Variants in LYST observed in about 807,000 individuals in gnomAD.
The protein encoded by LYST is lysosomal-trafficking regulator.
Under a neutral mutation model 413.6 loss-of-function variants are expected in LYST, and 192 were observed. That is an observed-to-expected ratio of 0.46 (90% confidence interval 0.41 to 0.52). The LOEUF is 0.52. LYST is among the 20% of genes least tolerant of loss of function. The pLI, the probability that LYST is intolerant of heterozygous loss-of-function variation, is 0.00. For missense variants in LYST, 3,815 were observed against 4,499.9 expected, an observed-to-expected ratio of 0.85 and a Z score of 4.35; for synonymous variants, 1,525 against 1,567.3, an observed-to-expected ratio of 0.97 and a Z score of 0.64.
At chr1:235,678,867 T>C (rs1659590099) in intron 48 of LYST, among the ~76,000 whole-genome samples, 1 of 152,168 alleles carries the variant, frequency 6.6e-6, no homozygotes, top group Admixed American at 6.5e-5. Context: ...GTATTTCATG[T>C]TTATGAATTC....
At chr1:235,827,505 A>G in intron 3 of LYST, 1 of 980,520 alleles carries the variant, frequency 1.0e-6, no homozygotes, top group Non-Finnish European at 1.2e-6. Flanking sequence ...CTCCTAAAAC[A>G]TACAACTATG....
chr1:235,766,038 A>G (rs1668111483), intron 21 of LYST, 41 bp downstream of exon 21: 4 of 1,404,386 alleles, frequency 2.8e-6, no homozygotes, highest in Non-Finnish European at 4.0e-6. Flanking sequence ...ATAAAACAAA[A>G]GTGGAAATAG....
At chr1:235,873,065 G>A (rs541507322) in intron 1 of LYST, among the ~76,000 whole-genome samples, 2 of 152,306 alleles carry the variant, frequency 1.3e-5, no homozygotes, top group African/African-American at 4.8e-5. Flanking sequence ...AAAGGAGGGT[G>A]AGAGAAGGTG....
At chr1:235,680,655 ATGGCGCAACCT>A (rs1659740298) in intron 48 of LYST, among the ~76,000 whole-genome samples, 1 of 151,720 alleles carries the variant, frequency 6.6e-6, no homozygotes, top group South Asian at 2.1e-4. Flanking sequence ...CTGGAGTGCA[ATGGCGCAACCT>A]TGGCCCACTG....
intron 36 of LYST, among the ~76,000 whole-genome samples, chr1:235,729,879 T>A (rs955082204): frequency 3.3e-5 from 5 of 152,130 alleles, no homozygotes; most frequent in African/African-American, 1.2e-4. Flanking sequence ...ATAATCCCTA[T>A]AACCTGTAGA....
chr1:235,720,320 C>T (rs1663250538), intron 40 of LYST, among the ~76,000 whole-genome samples: 1 of 151,036 alleles, frequency 6.6e-6, no homozygotes, highest in African/African-American at 2.4e-5. Context: ...TGGAAATGGA[C>T]TAGATATTAG....
chr1:235,663,391 G>A (rs1456748693), intron 52 of LYST, among the ~76,000 whole-genome samples: 1 of 151,882 alleles, frequency 6.6e-6, no homozygotes, highest in African/African-American at 2.4e-5. Flanking sequence ...AAATATTTGG[G>A]TGTACAAAAC....
At chr1:235,823,423 C>A (rs1674998609) in intron 3 of LYST, among the ~76,000 whole-genome samples, 1 of 152,216 alleles carries the variant, frequency 6.6e-6, no homozygotes, top group South Asian at 2.1e-4. Context: ...TTGCATTATT[C>A]TCCTATTGAA....
At chr1:235,861,078 C>T (rs1317250655) in intron 1 of LYST, among the ~76,000 whole-genome samples, 1 of 151,866 alleles carries the variant, frequency 6.6e-6, no homozygotes, top group Non-Finnish European at 1.5e-5. Context: ...ATAAACATTG[C>T]TTTTTAAAGA....
At position 235,787,396 on chromosome 1, in the gene LYST, T is replaced by G. The variant is rs1456588336; in HGVS notation, c.4689-23A>C. ...ACACTACAGAAAAAGAGAAAAGGCA[T>G]AGGCTGAAAACATGAAAATTCTGAC... On this transcript the variant is annotated intron_variant, in intron 13 of 52. Coordinates refer to ENST00000389793, the MANE Select transcript of LYST (RefSeq NM_000081.4). 3 of 1,607,210 alleles carry G rather than the reference T, an allele frequency of 1.9e-6. No individual in the cohort carries two copies. In the South Asian group the frequency reaches 3.3e-5, roughly 18 times the overall value.
At chr1:235,857,760 C>T (rs1050822246) in intron 1 of LYST, among the ~76,000 whole-genome samples, 27 of 132,878 alleles carry the variant, frequency 2.0e-4, no homozygotes, top group African/African-American at 8.0e-4. Flanking sequence ...CACACACACA[C>T]ACACACACAC....
chr1:235,724,871 AG>A (rs1663708347), intron 38 of LYST, among the ~76,000 whole-genome samples: 1 of 152,252 alleles, frequency 6.6e-6, no homozygotes, highest in African/African-American at 2.4e-5. Context: ...CATCCCCAGA[AG>A]TCAAAAATGT....
rs770405718 is a variant in LYST at position 235,755,600 on chromosome 1, T to C, written c.7107A>G (p.Lys2369=). The C allele has an allele frequency of 3.1e-6, 5 of 1,613,568 alleles. No homozygotes were observed. The highest frequency in any genetic ancestry group is 3.4e-6 in the Non-Finnish European group (4 of 1,179,548). ...FARASKEQKD[K]FLKNRGFSLL... ...AGGAAAATCCACGATTCTTCAGAAA[T>C]TTATCTTTTTGTTCCTTAGATGCTC... The change falls in exon 25 of 53, where the codon AAA becomes AAG. Residue 2369 remains lysine, a synonymous_variant. Coordinates refer to ENST00000389793, the MANE Select transcript of LYST (RefSeq NM_000081.4).
At chr1:235,681,312 G>C (rs1659797667) in intron 48 of LYST, among the ~76,000 whole-genome samples, 1 of 152,214 alleles carries the variant, frequency 6.6e-6, no homozygotes, top group Non-Finnish European at 1.5e-5. Context: ...ACTGGGAGCA[G>C]GGTAGGTAGG....
intron 30 of LYST, 119 bp from the exon 31 acceptor site, chr1:235,741,747 A>T (rs370073655): frequency 2.6e-6 from 2 of 757,772 alleles, no homozygotes; most frequent in Non-Finnish European, 2.3e-6. Flanking sequence ...TGGTTTTAAT[A>T]GTCAAAATTA....
chr1:235,737,916 A>AGCTAATAG, intron 31 of LYST: 1 of 1,163,406 alleles, frequency 8.6e-7, no homozygotes, highest in Non-Finnish European at 1.1e-6. Context: ...GCTGCCGACG[A>AGCTAATAG]GTCTGGATCT....
intron 43 of LYST, among the ~76,000 whole-genome samples, chr1:235,710,707 TTG>T (rs1189633961): frequency 3.3e-5 from 5 of 152,160 alleles, no homozygotes; most frequent in Non-Finnish European, 5.9e-5. Flanking sequence ...GGGAAGACAC[TTG>T]TGACTGCCTC....
chr1:235,666,794 G>T (rs1181575039), intron 50 of LYST, among the ~76,000 whole-genome samples: 1 of 152,012 alleles, frequency 6.6e-6, no homozygotes, highest in Non-Finnish European at 1.5e-5. Context: ...ATTAAATGTT[G>T]GCTAAAATAT....
intron 3 of LYST, among the ~76,000 whole-genome samples, chr1:235,819,546 A>T (rs1401371076): frequency 6.6e-6 from 1 of 152,200 alleles, no homozygotes; most frequent in Non-Finnish European, 1.5e-5. Context: ...CCAATGTGCC[A>T]TATTAGACAA....
Sources: allele counts gnomAD v4.1 joint callset (sites outside exome capture counted in the v4.1 genomes callset), GRCh38; gene constraint gnomAD v4.1.1; transcripts MANE v1.5; gene names NCBI Gene and HGNC (gene_info 2026-07-23, HGNC 2026-07-21).